GRB10: variants seen among roughly 807,000 people sequenced by gnomAD.
The protein encoded by GRB10 is growth factor receptor bound protein 10.
A neutral mutation model predicts 80.9 loss-of-function variants in GRB10; 20 were observed. The ratio of observed to expected loss-of-function variants is 0.25; its 90% confidence interval spans 0.17 to 0.36. The LOEUF is 0.36. Among genes scored for constraint, GRB10 ranks in the 10% least tolerant of loss-of-function variants. The pLI, the probability that GRB10 is intolerant of heterozygous loss-of-function variation, is 1.00. For synonymous variants in GRB10, 291 were observed against 291.5 expected, an observed-to-expected ratio of 1.00 and a Z score of 0.02; for missense variants, 548 against 747.7, an observed-to-expected ratio of 0.73 and a Z score of 3.12.
intron 2 of GRB10, among the ~76,000 whole-genome samples, chr7:50,772,935 A>T (rs6960912): frequency 0.61 from 92,407 of 152,106 alleles, 30,716 homozygotes; most frequent in Middle Eastern, 0.87. Context: ...CACAATGAGC[A>T]ATCATCTGAT....
At chr7:50,603,059 A>G (rs1037690751) in intron 17 of GRB10, among the ~76,000 whole-genome samples, 11 of 152,204 alleles carry the variant, frequency 7.2e-5, no homozygotes, top group Non-Finnish European at 4.4e-5. Context: ...TTCCGTAATA[A>G]AACTTTTTGT....
chr7:50,769,947 C>T (rs1348920693), intron 2 of GRB10, among the ~76,000 whole-genome samples: 1 of 152,194 alleles, frequency 6.6e-6, no homozygotes, highest in African/African-American at 2.4e-5. Flanking sequence ...GTAAAGGTGA[C>T]CTGAGGATAG....
intron 17 of GRB10, among the ~76,000 whole-genome samples, chr7:50,597,629 G>A (rs1563102007): frequency 1.3e-5 from 2 of 152,264 alleles, no homozygotes; most frequent in Non-Finnish European, 2.9e-5. Flanking sequence ...CTGTTTACCC[G>A]AGAGGGACGT....
chr7:50,633,865 T>A (rs1015280553), intron 7 of GRB10, among the ~76,000 whole-genome samples: 5 of 152,054 alleles, frequency 3.3e-5, no homozygotes, highest in African/African-American at 7.2e-5. Flanking sequence ...AACAATTTTT[T>A]AAAAAAGAAT....
At chr7:50,635,026 G>A (rs376411881) in intron 7 of GRB10, among the ~76,000 whole-genome samples, 3 of 152,324 alleles carry the variant, frequency 2.0e-5, no homozygotes, top group Admixed American at 6.5e-5. Flanking sequence ...AGCTAGACCT[G>A]ATCAAATGGA....
intron 3 of GRB10, among the ~76,000 whole-genome samples, chr7:50,740,793 C>A (rs536598867): frequency 6.6e-6 from 1 of 151,540 alleles, no homozygotes; most frequent in African/African-American, 2.4e-5. Flanking sequence ...TCATCCAATT[C>A]TCCTTTTCAA....
At chr7:50,790,397 A>G (rs192747712) in intron 1 of GRB10, among the ~76,000 whole-genome samples, 1 of 152,334 alleles carries the variant, frequency 6.6e-6, no homozygotes, top group East Asian at 1.9e-4. Context: ...TTAAAAGAAA[A>G]GTCTCCACTA....
chr7:50,690,324 A>AAAC (rs2062660859), intron 5 of GRB10, among the ~76,000 whole-genome samples: 3 of 132,082 alleles, frequency 2.3e-5, no homozygotes, highest in African/African-American at 1.3e-4. Flanking sequence ...AACAAACAAA[A>AAAC]AAAACAGAAA....
chr7:50,646,871 C>T (rs2057274662), intron 7 of GRB10, among the ~76,000 whole-genome samples: 1 of 152,204 alleles, frequency 6.6e-6, no homozygotes, highest in Non-Finnish European at 1.5e-5. Flanking sequence ...TTAACCAGCC[C>T]TGCTGCTACG....
chr7:50,688,012 G>A (rs1310331389), intron 5 of GRB10, among the ~76,000 whole-genome samples: 1 of 152,210 alleles, frequency 6.6e-6, no homozygotes, highest in East Asian at 1.9e-4. Context: ...GAGAAACCGT[G>A]GAGGGGAGGG....
chr7:50,616,468 A>T (rs1276207683), intron 10 of GRB10, 121 bp from the exon 11 acceptor site: 2 of 921,916 alleles, frequency 2.2e-6, no homozygotes, highest in Admixed American at 4.3e-5. Context: ...GATCAAAATG[A>T]GAGTGTTCTC....
At chr7:50,693,370 CCT>C (rs769115631) in intron 5 of GRB10, among the ~76,000 whole-genome samples, 4 of 152,178 alleles carry the variant, frequency 2.6e-5, no homozygotes, top group Non-Finnish European at 4.4e-5. Flanking sequence ...CTACACTTCC[CCT>C]GTTACTAGAA....
chr7:50,636,687 A>C (rs1315072082), intron 7 of GRB10, among the ~76,000 whole-genome samples: 6 of 152,158 alleles, frequency 3.9e-5, no homozygotes, highest in Admixed American at 3.9e-4. Flanking sequence ...ACACCCCTTC[A>C]TGAAAAAAAC....
At chr7:50,732,120 T>G in intron 4 of GRB10, 152 bp downstream of exon 4, 1 of 781,782 alleles carries the variant, frequency 1.3e-6, no homozygotes, top group Admixed American at 1.9e-5. Flanking sequence ...GCAGTGGGCC[T>G]CTGCACCATG....
rs1373769219 is a variant in GRB10, at chr7:50,591,917, C to G, written c.*1035G>C. On this transcript the variant is annotated 3_prime_UTR_variant, in exon 19 of 19. Transcript: ENST00000401949. ...CGAAGACAACCAGGTGCCATTTTCT[C>G]TTTAGATCCTTTAATCCCCCGAGGG... The G allele has an allele frequency of 6.6e-6, 1 of 152,248 alleles. No individual in the cohort carries two copies. Among genetic ancestry groups the G allele is most frequent in the Non-Finnish European group, 1.5e-5 (1 of 68,066 alleles). 9.4% of individuals were successfully genotyped at this position (152,248 alleles called of 1,614,324 possible). A position where few individuals can be genotyped will look rare whatever the true frequency, so the allele number is the denominator to read the frequency against.
At chr7:50,792,631 C>A (rs1184709116) in intron 1 of GRB10, 1 of 396,644 alleles carries the variant, frequency 2.5e-6, no homozygotes, top group Non-Finnish European at 4.4e-6. Flanking sequence ...CGGCGGCTAA[C>A]GGGTCACCAA....
chr7:50,594,923 C>T (rs1310265117), intron 18 of GRB10, among the ~76,000 whole-genome samples: 3 of 152,188 alleles, frequency 2.0e-5, no homozygotes, highest in South Asian at 2.1e-4. Context: ...GGCCACTTAA[C>T]GCTTCTTGGA....
At chr7:50,779,053 A>T (rs2078002869) in intron 2 of GRB10, 1 of 152,250 alleles carries the variant, frequency 6.6e-6, no homozygotes, top group South Asian at 2.1e-4. Flanking sequence ...GTCATTTACA[A>T]CAATGTAGGG....
At chr7:50,674,396 C>A in intron 6 of GRB10, 40 bp downstream of exon 6, 1 of 1,580,112 alleles carries the variant, frequency 6.3e-7, no homozygotes, top group Non-Finnish European at 8.6e-7. Flanking sequence ...CGACAGCTCT[C>A]ATCCTTGGAG....
Sources: allele counts gnomAD v4.1 joint callset (sites outside exome capture counted in the v4.1 genomes callset), GRCh38; gene constraint gnomAD v4.1.1; transcripts MANE v1.5; gene names NCBI Gene and HGNC (gene_info 2026-07-23, HGNC 2026-07-21).